The following NCOR1 variants were observed in gnomAD, a reference collection of about 807,000 sequenced individuals.
The protein encoded by NCOR1 is protein phosphatase 1, regulatory subunit 109.
A neutral mutation model predicts 288.1 loss-of-function variants in NCOR1; 63 were observed. That is an observed-to-expected ratio of 0.22 (90% CI 0.18 to 0.27). The LOEUF is 0.27. NCOR1 is among the 10% of genes least tolerant of loss of function. The pLI, the probability that NCOR1 is intolerant of heterozygous loss-of-function variation, is 1.00. For synonymous variants in NCOR1, 1,007 were observed against 1,065.9 expected, an observed-to-expected ratio of 0.94 and a Z score of 1.08; for missense variants, 2,397 against 3,019.2, an observed-to-expected ratio of 0.79 and a Z score of 4.83.
At chr17:16,145,320 C>T (rs1230781028) in intron 10 of NCOR1, among the ~76,000 whole-genome samples, 8 of 152,212 alleles carry the variant, frequency 5.3e-5, no homozygotes, top group African/African-American at 1.4e-4. Flanking sequence ...CCGGCCACCA[C>T]CCCATCTGGG....
At chr17:16,192,845 T>C (rs2088800146) in intron 2 of NCOR1, among the ~76,000 whole-genome samples, 1 of 152,186 alleles carries the variant, frequency 6.6e-6, no homozygotes, top group South Asian at 2.1e-4. Flanking sequence ...AATTGTGGTA[T>C]ACCCATACTC....
chr17:16,068,589 C>T (rs2061387747), intron 31 of NCOR1, among the ~76,000 whole-genome samples: 1 of 152,122 alleles, frequency 6.6e-6, no homozygotes, highest in Admixed American at 6.6e-5. Flanking sequence ...ATGACTTTCT[C>T]ATTACTTCAC....
At chr17:16,106,594 C>G (rs2068682917) in intron 19 of NCOR1, among the ~76,000 whole-genome samples, 1 of 152,044 alleles carries the variant, frequency 6.6e-6, no homozygotes, top group Non-Finnish European at 1.5e-5. Context: ...CCTTCAGCAG[C>G]TGCCTTCGTT....
rs1359660891 is a variant in NCOR1 at position 16,101,520 on chromosome 17, T to C, written c.2420A>G (p.Glu807Gly). The C allele has an allele frequency of 6.2e-7, 1 of 1,614,100 alleles. No individual in the cohort carries two copies. Among genetic ancestry groups the C allele is most frequent in the Non-Finnish European group, 8.5e-7 (1 of 1,180,040 alleles). The change falls in exon 20 of 46, where the codon GAG becomes GGG. Residue 807 changes from glutamate to glycine, a missense_variant. Glu to Gly is a moderately conservative substitution (Grantham distance 98). Coordinates refer to ENST00000268712, the MANE Select transcript of NCOR1 (RefSeq NM_006311.4). ...GGGTGGGGGATCACAAACAGAACCC[T>C]CTTCAGCACTGTGCTCCTGCTGATC... ...DVDQQEHSAE[E>G]GSVCDPPPAT...
chr17:16,085,829 C>T (rs528618967), intron 23 of NCOR1, among the ~76,000 whole-genome samples: 34 of 152,260 alleles, frequency 2.2e-4, no homozygotes, highest in African/African-American at 7.0e-4. Flanking sequence ...ACTGTGAAGA[C>T]CAGACCATAT....
At chr17:16,172,539 C>G (rs2083318049) in intron 3 of NCOR1, among the ~76,000 whole-genome samples, 1 of 151,896 alleles carries the variant, frequency 6.6e-6, no homozygotes, top group African/African-American at 2.4e-5. Context: ...ATTTTTCAAC[C>G]AATAATAAAA....
At chr17:16,130,152 G>A (rs1183623882) in intron 14 of NCOR1, among the ~76,000 whole-genome samples, 1 of 152,202 alleles carries the variant, frequency 6.6e-6, no homozygotes, top group East Asian at 1.9e-4. Flanking sequence ...ACCAGGCAGT[G>A]GTGAGCGGAG....
intron 22 of NCOR1, among the ~76,000 whole-genome samples, chr17:16,089,986 T>C (rs953626739): frequency 6.6e-6 from 1 of 152,122 alleles, no homozygotes; most frequent in Admixed American, 6.5e-5. Context: ...ATCAAAAGTA[T>C]AATTACAATT....
intron 34 of NCOR1, among the ~76,000 whole-genome samples, 186 bp from the exon 35 acceptor site, chr17:16,064,373 G>A (rs531112259): frequency 6.6e-6 from 1 of 152,302 alleles, no homozygotes; most frequent in Admixed American, 6.5e-5. Context: ...GCCAAGGCAG[G>A]TGGATCACCG....
At position 16,070,405 on chromosome 17, in the gene NCOR1, C is replaced by G. The variant is rs1567824945; in HGVS notation, c.4273G>C (p.Glu1425Gln). 3.1e-6 allele frequency: 5 copies of G among 1,614,202 alleles called. No individual in the cohort carries two copies. Among genetic ancestry groups the G allele is most frequent in the Non-Finnish European group, 3.4e-6 (4 of 1,180,042 alleles). Reference protein sequence around the residue: ...RGMPPLEIVPENIKVVERGKY... With the variant: ...RGMPPLEIVPQNIKVVERGKY... ...CCCCGTTCTACCACTTTTATGTTCT[C>G]TGGCACAATTTCCAGCGGAGGCATT... Residue 1425 changes from glutamate to glutamine, a missense_variant, in exon 31 of 46, where the codon GAG becomes CAG. By Grantham distance (29) the Glu-to-Gln change is conservative. This residue lies in a region of NCOR1 where 1,872 missense variants were observed against 2,187.8 expected (regional missense o/e 0.86). Coordinates refer to ENST00000268712, the MANE Select transcript of NCOR1 (RefSeq NM_006311.4).
At chr17:16,140,413 C>T (rs1268284960) in intron 11 of NCOR1, among the ~76,000 whole-genome samples, 4 of 152,192 alleles carry the variant, frequency 2.6e-5, no homozygotes, top group Admixed American at 2.0e-4. Flanking sequence ...CTTGTAATCC[C>T]AGCACTTTTG....
intron 31 of NCOR1, among the ~76,000 whole-genome samples, chr17:16,069,539 G>T (rs1254042621): frequency 6.6e-6 from 1 of 152,224 alleles, no homozygotes; most frequent in African/African-American, 2.4e-5. Flanking sequence ...CTCAACTGAT[G>T]TAGCTGCCAG....
In NCOR1 at chr17:16,064,860, A is replaced by G; in HGVS notation, c.5101+10T>C. 6.3e-7 allele frequency: 1 copy of G among 1,598,658 alleles called. No homozygotes were observed. Among genetic ancestry groups the G allele is most frequent in the Non-Finnish European group, 8.5e-7 (1 of 1,170,738 alleles). ...TTCTATTAGAGAGGTGTGTAACTGTACAATCTCACCTGGAGACATGGAAGC... is the reference window on the plus strand; with the variant it reads ...TTCTATTAGAGAGGTGTGTAACTGTGCAATCTCACCTGGAGACATGGAAGC... On this transcript the variant is annotated intron_variant, in intron 34 of 45. Transcript: ENST00000268712.
At chr17:16,151,560 G>T in intron 8 of NCOR1, 1 of 1,307,898 alleles carries the variant, frequency 7.6e-7, no homozygotes, top group Non-Finnish European at 1.0e-6. Context: ...GTCATCACTA[G>T]TCTTAAATGA....
intron 2 of NCOR1, among the ~76,000 whole-genome samples, chr17:16,190,326 C>G (rs914736784): frequency 6.6e-6 from 1 of 152,024 alleles, no homozygotes; most frequent in Admixed American, 6.5e-5. Context: ...CAACCACAGA[C>G]GCTCTCTGAA....
chr17:16,199,011 T>G (rs1343439436), intron 1 of NCOR1, among the ~76,000 whole-genome samples: 1 of 152,094 alleles, frequency 6.6e-6, no homozygotes, highest in Non-Finnish European at 1.5e-5. Context: ...TCAGCTATGG[T>G]GAGTCCTGAG....
At chr17:16,131,568 C>A (rs2075644893) in intron 14 of NCOR1, among the ~76,000 whole-genome samples, 1 of 152,068 alleles carries the variant, frequency 6.6e-6, no homozygotes, top group Admixed American at 6.6e-5. Context: ...AATTTAATAA[C>A]AAGCAGCAAT....
chr17:16,049,585 A>AT (rs753232197), intron 40 of NCOR1, among the ~76,000 whole-genome samples: 12,347 of 142,036 alleles, frequency 0.087, 562 homozygotes, highest in Middle Eastern at 0.13. Flanking sequence ...CCCATTTATC[A>AT]TTTTTTTTTT....
chr17:16,134,849 G>A (rs1417861774), intron 14 of NCOR1, among the ~76,000 whole-genome samples: 1 of 152,140 alleles, frequency 6.6e-6, no homozygotes, highest in African/African-American at 2.4e-5. Flanking sequence ...TGGCAATTAG[G>A]AACAAAACTG....
Sources: gnomAD v4.1 joint callset for allele counts (sites outside exome capture counted in the v4.1 genomes callset) on GRCh38, gnomAD v4.1.1 for gene constraint, gnomAD v4.1.1 regional missense constraint, MANE v1.5 for transcripts, NCBI Gene and HGNC (gene_info 2026-07-23, HGNC 2026-07-21) for gene names.